The following CDH22 variants were observed in gnomAD, a reference collection of about 807,000 sequenced individuals.
The protein encoded by CDH22 is cadherin-22.
CDH22 carries 30 observed loss-of-function variants against 58.4 expected under a neutral mutation model. The observed-to-expected ratio is 0.51, with a 90% CI of 0.38 to 0.70. CDH22 has a LOEUF of 0.70. CDH22 is among the 30% of genes least tolerant of loss of function. The pLI, the probability that CDH22 is intolerant of heterozygous loss-of-function variation, is 0.00. For missense variants in CDH22, 1,014 were observed against 1,233.9 expected (o/e 0.82, Z 2.67); for synonymous variants, 513 against 558.2 (o/e 0.92, Z 1.14).
chr20:46,293,349 G>A (rs926320220), intron 1 of CDH22, among the ~76,000 whole-genome samples: 5 of 152,178 alleles, frequency 3.3e-5, no homozygotes, highest in African/African-American at 1.2e-4. Context: ...CTGCATCTCC[G>A]TGTGTGCATG....
chr20:46,253,955 T>C (rs2086393917), intron 1 of CDH22, among the ~76,000 whole-genome samples: 1 of 152,176 alleles, frequency 6.6e-6, no homozygotes, highest in Non-Finnish European at 1.5e-5. Context: ...CTTTCCTTTA[T>C]TTCTTTGTTT....
rs570719724 is a variant in CDH22 at position 46,210,047 on chromosome 20, C to T, written c.1286+260G>A. On this transcript the variant is annotated intron_variant, in intron 7 of 11. Coordinates refer to ENST00000537909, the MANE Select transcript of CDH22 (RefSeq NM_021248.3). This position sits in a 1 kb window ranked among gnomAD's most constrained non-coding sequence, Gnocchi z 4.5. ...GCCAGTGCAGTGCCCGCCTCTGTGTCTGTCCCTCCTGGTTCTCTCCCTTAT... is the reference window on the plus strand; with the variant it reads ...GCCAGTGCAGTGCCCGCCTCTGTGTTTGTCCCTCCTGGTTCTCTCCCTTAT... 8 of 397,716 alleles carry T rather than the reference C, an allele frequency of 2.0e-5. No homozygotes were observed. Among genetic ancestry groups the T allele is most frequent in the African/African-American group, 1.7e-4 (8 of 47,868 alleles). 24.6% of individuals were successfully genotyped at this position (397,716 alleles called of 1,614,324 possible).
intron 7 of CDH22, among the ~76,000 whole-genome samples, chr20:46,205,889 C>T (rs539497702): frequency 7.9e-5 from 12 of 152,338 alleles, no homozygotes; most frequent in Admixed American, 5.2e-4. Context: ...GCCATCTCTC[C>T]TCCCCATCAC....
At chr20:46,271,615 T>C (rs2086489581) in intron 1 of CDH22, among the ~76,000 whole-genome samples, 1 of 151,904 alleles carries the variant, frequency 6.6e-6, no homozygotes, top group African/African-American at 2.4e-5. Context: ...CTTACTAAGG[T>C]CACCTTGACT....
chr20:46,240,634 A>G (rs988922757), intron 3 of CDH22, among the ~76,000 whole-genome samples: 1 of 151,988 alleles, frequency 6.6e-6, no homozygotes, highest in African/African-American at 2.4e-5. Flanking sequence ...GGGCTTGTGC[A>G]TGTGGCATGT....
intron 1 of CDH22, among the ~76,000 whole-genome samples, chr20:46,271,218 C>G (rs1449927192): frequency 6.6e-6 from 1 of 152,164 alleles, no homozygotes; most frequent in Non-Finnish European, 1.5e-5. Flanking sequence ...CTGTTATTAT[C>G]CCATTTTATA....
chr20:46,215,238 A>T (rs1040038956), intron 5 of CDH22, among the ~76,000 whole-genome samples: 4 of 152,180 alleles, frequency 2.6e-5, no homozygotes, highest in Non-Finnish European at 5.9e-5. Context: ...CTCCTTCCCA[A>T]TGGCCCCAAA....
chr20:46,300,357 C>T lies in CDH22; in HGVS notation c.-400+7898G>A, dbSNP rs77601160. Among the ~76,000 whole-genome samples, 1,001 of 152,260 alleles carry T rather than the reference C, an allele frequency of 6.6e-3. 12 individuals are homozygous for T. The highest frequency in any genetic ancestry group is 0.023 in the African/African-American group (959 of 41,536). On this transcript the variant is annotated intron_variant, in intron 1 of 11. Transcript: ENST00000537909. The surrounding 1 kb of genome is among the most constrained non-coding windows in gnomAD (Gnocchi z 4.4). ...TGAGTCTGTCTGGCTTGTCACCTAC[C>T]CATCATCTTGTCTACCCACTGACCT...
In CDH22 at chr20:46,178,033, A is replaced by G; in HGVS notation, c.1828T>C (p.Ser610Pro). Residue 610 changes from serine to proline, a missense_variant, in exon 11 of 12, where the codon TCC (serine) becomes CCC (proline). Around this residue, in one of 2 missense-constraint regions of CDH22, gnomAD observed 806 missense variants for 1,038.7 expected, o/e 0.78. Transcript: ENST00000537909. ...CGCDSSGTIQ[S>P]CNTTAFVMAA... Reference sequence around the variant, plus strand: ...ATGACAAAGGCCGTGGTGTTGCAGGACTGGATGGTGCCGGAGCTGTCGCAG... The same window carrying G: ...ATGACAAAGGCCGTGGTGTTGCAGGGCTGGATGGTGCCGGAGCTGTCGCAG... 1.9e-6 allele frequency: 3 copies of G among 1,614,054 alleles called. No homozygotes were observed. The highest frequency in any genetic ancestry group is 2.5e-6 in the Non-Finnish European group (3 of 1,180,002).
chr20:46,258,179 G>A (rs571216145), intron 1 of CDH22, among the ~76,000 whole-genome samples: 281 of 152,242 alleles, frequency 1.8e-3, no homozygotes, highest in Middle Eastern at 0.014. Flanking sequence ...AGTAGTGGGT[G>A]CACACACATG....
chr20:46,199,949 T>TTC lies in CDH22; in HGVS notation c.1287-392_1287-391dup, dbSNP rs1484487487. ...TCTCTCTTTCCTTCCTTCCTTCTTT[T>TTC]TCTTTTTTGTTTATTTATTTTATTT... On this transcript the variant is annotated intron_variant, in intron 7 of 11. Coordinates refer to ENST00000537909, the MANE Select transcript of CDH22 (RefSeq NM_021248.3). Among the ~76,000 whole-genome samples, 333 of 41,790 alleles carry TTC rather than the reference T, an allele frequency of 8.0e-3. 2 individuals carry two copies. Among genetic ancestry groups the TTC allele is most frequent in the African/African-American group, 0.035 (325 of 9,334 alleles). The allele number at this position is 41,790 out of a possible 152,430, so 27.4% of individuals were successfully genotyped here.
intron 1 of CDH22, among the ~76,000 whole-genome samples, chr20:46,293,203 C>T (rs888637222): frequency 9.9e-5 from 15 of 152,162 alleles, no homozygotes; most frequent in Non-Finnish European, 1.9e-4. Flanking sequence ...ATCCCCAGTC[C>T]TAGCAATGGC....
chr20:46,185,712 A>G (rs1479448331), intron 10 of CDH22, among the ~76,000 whole-genome samples: 2 of 152,040 alleles, frequency 1.3e-5, no homozygotes, highest in African/African-American at 4.8e-5. Flanking sequence ...TACAAAAAAT[A>G]AAACAATTAG....
chr20:46,217,652 A>ACACT (rs2086095136), intron 4 of CDH22, among the ~76,000 whole-genome samples: 1 of 152,152 alleles, frequency 6.6e-6, no homozygotes, highest in African/African-American at 2.4e-5. Flanking sequence ...GGGCTCAGAT[A>ACACT]CACTCACACA....
At position 46,178,024 on chromosome 20, in the gene CDH22, T is replaced by C; in HGVS notation, c.1837A>G (p.Thr613Ala). The C allele has an allele frequency of 6.2e-7, 1 of 1,614,078 alleles. No individual in the cohort carries two copies. Among genetic ancestry groups the C allele is most frequent in the Non-Finnish European group, 8.5e-7 (1 of 1,180,004 alleles). ...GAGGCGGCCATGACAAAGGCCGTGGTGTTGCAGGACTGGATGGTGCCGGAG... is the reference window on the plus strand; with the variant it reads ...GAGGCGGCCATGACAAAGGCCGTGGCGTTGCAGGACTGGATGGTGCCGGAG... The part of the protein sequence containing the change: ...DSSGTIQSCN[T>A]TAFVMAASLS... Residue 613 changes from threonine to alanine, a missense_variant, in exon 11 of 12, where the codon ACC becomes GCC. Around this residue, in one of 2 missense-constraint regions of CDH22, gnomAD observed 806 missense variants for 1,038.7 expected, o/e 0.78. Transcript: ENST00000537909.
intron 3 of CDH22, among the ~76,000 whole-genome samples, chr20:46,236,751 G>A (rs989566679): frequency 9.3e-5 from 14 of 151,298 alleles, no homozygotes; most frequent in Non-Finnish European, 1.3e-4. Context: ...GAGTGCAGTG[G>A]CATGATCTCT....
In CDH22 at chr20:46,257,302, GAA is replaced by G. The variant is rs35280949; in HGVS notation, c.-399-5611_-399-5610del. 4.5e-3 allele frequency among the ~76,000 whole-genome samples: 609 copies of G among 136,268 alleles called. 2 individuals are homozygous for G. The highest frequency in any genetic ancestry group is 0.016 in the African/African-American group (587 of 37,128). The allele number at this position is 136,268 out of a possible 152,430, so 89.4% of individuals were successfully genotyped here. ...GGGTGACAGTGAGGCCTTGTCTCAA[GAA>G]AAAAAAAAAAAATCATGCTGGCTAT... On this transcript the variant is annotated intron_variant, in intron 1 of 11. Transcript: ENST00000537909.
intron 1 of CDH22, among the ~76,000 whole-genome samples, chr20:46,259,585 T>C (rs1900675965): frequency 6.6e-6 from 1 of 151,988 alleles, no homozygotes; most frequent in African/African-American, 2.4e-5. Context: ...AAATGGAAAG[T>C]GTAGGAAACT....
intron 10 of CDH22, among the ~76,000 whole-genome samples, chr20:46,185,230 C>T (rs1371399584): frequency 2.6e-5 from 4 of 152,146 alleles, no homozygotes; most frequent in African/African-American, 4.8e-5. Context: ...GAGCACCCTT[C>T]GCTGAGCCTG....
Sources: allele counts gnomAD v4.1 joint callset (sites outside exome capture counted in the v4.1 genomes callset), GRCh38; gene constraint gnomAD v4.1.1; regional missense constraint gnomAD v4.1.1; non-coding constraint Gnocchi (gnomAD v3.1); transcripts MANE v1.5; gene names NCBI Gene and HGNC (gene_info 2026-07-23, HGNC 2026-07-21).